The following CCDC47 variants were observed in gnomAD, a reference collection of about 807,000 sequenced individuals.
CCDC47 encodes the protein coiled-coil domain containing 47.
CCDC47 carries 41 observed loss-of-function variants against 60.5 expected under a neutral mutation model. The ratio of observed to expected loss-of-function variants is 0.68; its 90% confidence interval spans 0.53 to 0.88. The LOEUF is 0.88. Ranked by LOEUF, CCDC47 falls within the 40% of genes least tolerant of loss-of-function variation. The pLI, the probability that CCDC47 is intolerant of heterozygous loss-of-function variation, is 0.00. For synonymous variants in CCDC47, 195 were observed against 190.7 expected, an observed-to-expected ratio of 1.02 and a Z score of -0.18; for missense variants, 513 against 580.9, an observed-to-expected ratio of 0.88 and a Z score of 1.20.
At chr17:63,762,241 C>G (rs557931983) in intron 4 of CCDC47, 111 of 985,220 alleles carry the variant, frequency 1.1e-4, no homozygotes, top group Non-Finnish European at 1.3e-4. Context: ...CGGACTGATA[C>G]ACCAAATGAA....
intron 7 of CCDC47, 33 bp from the exon 8 acceptor site, chr17:63,756,383 A>G (rs1598307004): frequency 1.3e-6 from 2 of 1,591,818 alleles, no homozygotes; most frequent in South Asian, 1.1e-5. Context: ...GTAAGATATG[A>G]CCTTTTATTA....
At chr17:63,759,149 A>C (rs2039230000) in intron 6 of CCDC47, among the ~76,000 whole-genome samples, 1 of 152,098 alleles carries the variant, frequency 6.6e-6, no homozygotes, top group African/African-American at 2.4e-5. Flanking sequence ...TGTTAGAAAA[A>C]CTGAAATAAA....
intron 1 of CCDC47, among the ~76,000 whole-genome samples, chr17:63,770,813 C>T (rs1003810141): frequency 2.3e-4 from 35 of 151,272 alleles, no homozygotes; most frequent in African/African-American, 8.3e-4. Flanking sequence ...TGGTGAAATC[C>T]CGTCTCGACT....
chr17:63,751,664 T>C (rs985365247), intron 12 of CCDC47: 5 of 554,760 alleles, frequency 9.0e-6, no homozygotes, highest in Admixed American at 3.3e-5. Context: ...TACCAAAGTG[T>C]TTGGCTCGAA....
Position 63,756,480 on chromosome 17 carries a change from T to C in CCDC47, c.826A>G (p.Met276Val). 6.2e-7 allele frequency: 1 copy of C among 1,613,664 alleles called. No individual in the cohort carries two copies. The highest frequency in any genetic ancestry group is 8.5e-7 in the Non-Finnish European group (1 of 1,179,510). ...RKALVRLQKE[M>V]QDLSEFCSDK... ...GCAACCTGACATACCAAATCCTGCA[T>C]CTCTTTCTGTAGTCGCACCAAGGCT... is the stretch of plus-strand genomic sequence containing the variant. Residue 276 changes from methionine (M) to valine (V), a missense_variant, in exon 7 of 13, where the codon ATG (methionine) becomes GTG (valine). By Grantham distance (21) the Met-to-Val change is conservative. Transcript: ENST00000225726.
At chr17:63,759,678 C>A (rs2144486631) in intron 6 of CCDC47, among the ~76,000 whole-genome samples, 2 of 148,538 alleles carry the variant, frequency 1.3e-5, no homozygotes, top group East Asian at 4.0e-4. Flanking sequence ...CACATATATA[C>A]ATATCTATCT....
chr17:63,767,579 C>G (rs2039306149), intron 1 of CCDC47, among the ~76,000 whole-genome samples: 3 of 152,038 alleles, frequency 2.0e-5, no homozygotes, highest in South Asian at 4.1e-4. Flanking sequence ...AACACCAGCC[C>G]TATGTCATAA....
Position 63,752,000 on chromosome 17 carries a change from T to C in CCDC47, c.1311A>G (p.Lys437=). The change falls in exon 12 of 13, where the codon AAA becomes AAG. Residue 437 remains lysine, a synonymous_variant. Transcript: ENST00000225726. ...EAAQSRREEK[K]RAEKERIMNE... ...TCATGATTCGCTCCTTCTCTGCTCT[T>C]TTTTTCTCCTCCCGCCGAGACTGTG... The C allele has an allele frequency of 6.2e-7, 1 of 1,613,756 alleles. No individual in the cohort carries two copies. Among genetic ancestry groups the C allele is most frequent in the Non-Finnish European group, 8.5e-7 (1 of 1,180,028 alleles).
At chr17:63,752,207 C>T (rs1393676846) in intron 11 of CCDC47, 100 bp from the exon 12 acceptor site, 5 of 1,469,012 alleles carry the variant, frequency 3.4e-6, no homozygotes, top group Non-Finnish European at 4.7e-6. Context: ...CCATTTGGCA[C>T]TTCTAAATCA....
chr17:63,752,561 A>C, intron 10 of CCDC47, 132 bp from the exon 11 acceptor site: 1 of 756,328 alleles, frequency 1.3e-6, no homozygotes, highest in Non-Finnish European at 2.0e-6. Flanking sequence ...AATGCAGCAG[A>C]AAATATAAAT....
At chr17:63,756,878 T>C (rs1303370180) in intron 6 of CCDC47, among the ~76,000 whole-genome samples, 1 of 152,118 alleles carries the variant, frequency 6.6e-6, no homozygotes, top group Non-Finnish European at 1.5e-5. Flanking sequence ...AAAGGGCTTA[T>C]GGGAAGGTTG....
At chr17:63,762,525 T>C (rs77974275) in intron 4 of CCDC47, among the ~76,000 whole-genome samples, 93 of 152,348 alleles carry the variant, frequency 6.1e-4, no homozygotes, top group African/African-American at 2.2e-3. Flanking sequence ...GCAAAGTATC[T>C]AGCATAATAT....
At chr17:63,751,169 T>G (rs911437088) in intron 12 of CCDC47, among the ~76,000 whole-genome samples, 1 of 151,504 alleles carries the variant, frequency 6.6e-6, no homozygotes, top group Non-Finnish European at 1.5e-5. Flanking sequence ...CGTGAGCCAC[T>G]GCACCTGGCC....
In CCDC47 at chr17:63,752,001, T is replaced by C. The variant is rs769451441; in HGVS notation, c.1310A>G (p.Lys437Arg). ...EAAQSRREEK[K>R]RAEKERIMNE... ...CATGATTCGCTCCTTCTCTGCTCTT[T>C]TTTTCTCCTCCCGCCGAGACTGTGC... Residue 437 changes from lysine to arginine, a missense_variant, in exon 12 of 13, where the codon AAA (lysine) becomes AGA (arginine). Transcript: ENST00000225726. 3.1e-6 allele frequency: 5 copies of C among 1,613,684 alleles called. No homozygotes were observed. Among genetic ancestry groups the C allele is most frequent in the Non-Finnish European group, 8.5e-7 (1 of 1,180,038 alleles).
At chr17:63,748,800 G>A (rs1259974203) in intron 12 of CCDC47, among the ~76,000 whole-genome samples, 1 of 151,870 alleles carries the variant, frequency 6.6e-6, no homozygotes, top group Non-Finnish European at 1.5e-5. Context: ...TTACTTGAGA[G>A]ATCAGGAGTT....
intron 1 of CCDC47, chr17:63,772,764 A>G (rs1047527976): frequency 1.3e-5 from 2 of 152,206 alleles, no homozygotes; most frequent in African/African-American, 4.8e-5. Flanking sequence ...ACAATCATCC[A>G]AGCCATTTTT....
At position 63,760,849 on chromosome 17, in the gene CCDC47, A is replaced by G. The variant is rs1364719922; in HGVS notation, c.735+65T>C. ...GTGAGACTCCATCAAAAAAAAAAAA[A>G]AAAAGAAAGAAAGAAAACAAATAAT... On this transcript the variant is annotated intron_variant, in intron 6 of 12. Coordinates refer to ENST00000225726, the MANE Select transcript of CCDC47 (RefSeq NM_020198.3). The G allele has an allele frequency of 4.9e-6, 6 of 1,217,524 alleles. 1 individual carries two copies. The East Asian group carries it at 1.4e-4, about 29-fold the overall frequency. The allele number at this position is 1,217,524 out of a possible 1,614,324, so 75.4% of individuals were successfully genotyped here. A position where few individuals can be genotyped will look rare whatever the true frequency, so the allele number is the denominator to read the frequency against.
At position 63,752,747 on chromosome 17, in the gene CCDC47, A is replaced by G. The variant is rs766582629; in HGVS notation, c.1087T>C (p.Phe363Leu). The G allele has an allele frequency of 6.2e-7, 1 of 1,611,908 alleles. No homozygotes were observed. Among genetic ancestry groups the G allele is most frequent in the Non-Finnish European group, 8.5e-7 (1 of 1,179,168 alleles). Residue 363 changes from phenylalanine (F) to leucine (L), a missense_variant, in exon 10 of 13, where the codon TTT becomes CTT. Phe to Leu is a conservative substitution (Grantham distance 22, BLOSUM62 0). Transcript: ENST00000225726. ...PDTKRTLLFT[F>L]NVPGSGNTYP... ...AAGGACCCAGAATACTTACCATTAA[A>G]TGTAAACAACAGTGTCCTCTTAGTG...
rs377741518 is a variant in CCDC47, at chr17:63,760,946, C to T, written c.703G>A (p.Ala235Thr). The T allele has an allele frequency of 1.9e-6, 3 of 1,613,440 alleles. No homozygotes were observed. Among genetic ancestry groups the T allele is most frequent in the Non-Finnish European group, 2.5e-6 (3 of 1,179,798 alleles). ...TCACTCACTGGCCTCATCATCCGGG[C>T]CAGGACATTCAGTAAGTCTTGTCTC... The part of the protein sequence containing the change: ...LKRQDLLNVL[A>T]RMMRPVSDQV... Residue 235 changes from alanine to threonine, a missense_variant, in exon 6 of 13, where the codon GCC (alanine) becomes ACC (threonine). Transcript: ENST00000225726.
Sources: gnomAD v4.1 joint callset for allele counts (sites outside exome capture counted in the v4.1 genomes callset) on GRCh38, gnomAD v4.1.1 for gene constraint, MANE v1.5 for transcripts, NCBI Gene and HGNC (gene_info 2026-07-23, HGNC 2026-07-21) for gene names.